Variants in CPZ observed in about 807,000 individuals in gnomAD.
CPZ encodes carboxypeptidase Z.
CPZ carries 103 observed loss-of-function variants against 61.8 expected under a neutral mutation model. The observed-to-expected ratio is 1.67, with a 90% confidence interval of 1.42 to 1.96. CPZ has a LOEUF of 1.96. CPZ is among the 30% of genes most tolerant of loss of function. The pLI is 0.00. For synonymous variants in CPZ, 551 were observed against 373.7 expected, an observed-to-expected ratio of 1.47 and a Z score of -5.47; for missense variants, 1,461 against 914.9, an observed-to-expected ratio of 1.60 and a Z score of -7.70.
At chr4:8,597,834 C>T (rs997143162) in intron 1 of CPZ, among the ~76,000 whole-genome samples, 5 of 152,184 alleles carry the variant, frequency 3.3e-5, no homozygotes, top group African/African-American at 1.2e-4. Context: ...TCACAGTATT[C>T]CTACAAAATG....
At chr4:8,613,893 G>A (rs1715926622) in intron 8 of CPZ, among the ~76,000 whole-genome samples, 2 of 152,254 alleles carry the variant, frequency 1.3e-5, no homozygotes, top group African/African-American at 4.8e-5. Flanking sequence ...TCACCATGGG[G>A]TCTCCAGGCC....
chr4:8,612,423 T>C (rs1364498980), intron 8 of CPZ, among the ~76,000 whole-genome samples: 6 of 152,232 alleles, frequency 3.9e-5, no homozygotes, highest in Non-Finnish European at 7.3e-5. Context: ...TGTCACGGTT[T>C]CACCCATGAC....
At chr4:8,609,146 ACCC>A in intron 7 of CPZ, among the ~76,000 whole-genome samples, 4 of 126,884 alleles carry the variant, frequency 3.2e-5, no homozygotes, top group Non-Finnish European at 5.2e-5. Flanking sequence ...TTACTCATTC[ACCC>A]ACTCCCTCAC....
rs1284995049 is a variant in CPZ at position 8,618,457 on chromosome 4, C to G, written c.1532C>G (p.Thr511Arg). 4 of 1,613,754 alleles carry G rather than the reference C, an allele frequency of 2.5e-6. No individual in the cohort carries two copies. The highest frequency in any genetic ancestry group is 3.4e-6 in the Non-Finnish European group (4 of 1,179,858). The change falls in exon 10 of 11, where the codon ACA becomes AGA. Residue 511 changes from threonine to arginine, a missense_variant. Coordinates refer to ENST00000360986, the MANE Select transcript of CPZ (RefSeq NM_001014447.3). The part of the protein sequence containing the change: ...TVHRGIKGVV[T>R]DKFGKPVKNA... ...CACCGGGGCATCAAAGGTGTGGTGACAGATAAATTCGGCAAGCCAGTCAAA... is the reference window on the plus strand; with the variant it reads ...CACCGGGGCATCAAAGGTGTGGTGAGAGATAAATTCGGCAAGCCAGTCAAA...
chr4:8,618,538 TC>T lies in CPZ; in HGVS notation c.1603+13del. On this transcript the variant is annotated intron_variant, in intron 10 of 10. Coordinates refer to ENST00000360986, the MANE Select transcript of CPZ (RefSeq NM_001014447.3). ...CACGACATCACCACAGGTGAGCACGTCCCTGGCTGTCCCCTGGGGACCACGT... is the reference window on the plus strand; with the variant it reads ...CACGACATCACCACAGGTGAGCACGTCCTGGCTGTCCCCTGGGGACCACGT... The T allele has an allele frequency of 6.2e-7, 1 of 1,611,470 alleles. No individual in the cohort carries two copies. Among genetic ancestry groups the T allele is most frequent in the Middle Eastern group, 1.7e-4 (1 of 6,060 alleles).
At position 8,612,138 on chromosome 4, in the gene CPZ, G is replaced by A; in HGVS notation, c.1339G>A (p.Ala447Thr). 1 of 1,594,996 alleles carries A rather than the reference G, an allele frequency of 6.3e-7. No homozygotes were observed. The highest frequency in any genetic ancestry group is 8.5e-7 in the Non-Finnish European group (1 of 1,171,038). ...FLKRGSIING[A>T]DWYSFTGGMS... ...GAAGAGGGGGAGCATCATCAACGGG[G>A]CGGACTGGTACAGCTTCACGGGAGG... The change falls in exon 8 of 11, where the codon GCG (alanine) becomes ACG (threonine). Residue 447 changes from alanine (A) to threonine (T), a missense_variant. Ala to Thr is a moderately conservative substitution (Grantham distance 58). Coordinates refer to ENST00000360986, the MANE Select transcript of CPZ (RefSeq NM_001014447.3).
At chr4:8,605,875 C>G in intron 4 of CPZ, 114 bp from the exon 5 acceptor site, 1 of 1,038,488 alleles carries the variant, frequency 9.6e-7, no homozygotes, top group Non-Finnish European at 1.4e-6. Flanking sequence ...TGAGTCAAAA[C>G]AAGTATGAAT....
chr4:8,616,740 C>A (rs546825241), intron 9 of CPZ, among the ~76,000 whole-genome samples: 2 of 152,348 alleles, frequency 1.3e-5, no homozygotes, highest in African/African-American at 4.8e-5. Context: ...AGTTTCTCTT[C>A]ATCACCTCTC....
At position 8,605,586 on chromosome 4, in the gene CPZ, G is replaced by T. The variant is rs74411240; in HGVS notation, c.710-403G>T. On this transcript the variant is annotated intron_variant, in intron 4 of 10. Coordinates refer to ENST00000360986, the MANE Select transcript of CPZ (RefSeq NM_001014447.3). ...ATATATCTATCCATCCAGCCATCCAGCCAGCCATTATTCATCCATCCATCC... is the reference window on the plus strand; with the variant it reads ...ATATATCTATCCATCCAGCCATCCATCCAGCCATTATTCATCCATCCATCC... Among the ~76,000 whole-genome samples the T allele has an allele frequency of 4.6e-3, 477 of 102,622 alleles. 4 individuals carry two copies. The highest frequency in any genetic ancestry group is 0.023 in the African/African-American group (386 of 16,778). The allele number at this position is 102,622 out of a possible 152,430, so 67.3% of individuals were successfully genotyped here. A position where few individuals can be genotyped will look rare whatever the true frequency, so the allele number is the denominator to read the frequency against.
rs192903509 is a variant in CPZ, at chr4:8,605,949, G to A, written c.710-40G>A. On this transcript the variant is annotated intron_variant, in intron 4 of 10. Transcript: ENST00000360986. ...GGCCTCATGCCTTTGGGGACCCCCG[G>A]CTTTGAGATGATGCCCCAAGTCTCT... is the stretch of plus-strand genomic sequence containing the variant. The A allele has an allele frequency of 6.8e-4, 1,078 of 1,588,872 alleles. 3 individuals are homozygous for A. Among genetic ancestry groups the A allele is most frequent in the East Asian group, 6.5e-4 (29 of 44,392 alleles).
chr4:8,601,427 C>G lies in CPZ; in HGVS notation c.426C>G (p.Tyr142Ter). ...AFDAIDMAWP[Y>*]FLDCHRYFTR... ...ACGCCATTGACATGGCCTGGCCCTA[C>G]TTCCTTGACTGCCACCGCTACTTCA... The change falls in exon 3 of 11, where the codon TAC (tyrosine) becomes TAG (stop). Residue 142 changes from tyrosine to a stop codon, truncating the protein, a stop_gained. Coordinates refer to ENST00000360986, the MANE Select transcript of CPZ (RefSeq NM_001014447.3). LOFTEE classifies it high-confidence loss of function. 1 of 1,563,710 alleles carries G rather than the reference C, an allele frequency of 6.4e-7. No homozygotes were observed. Among genetic ancestry groups the G allele is most frequent in the African/African-American group, 1.4e-5 (1 of 74,066 alleles).
intron 7 of CPZ, chr4:8,611,063 CTCATTCACTCATTCATTCGCTCAT>C (rs997368449): frequency 2.8e-6 from 1 of 358,006 alleles, no homozygotes; most frequent in African/African-American, 2.1e-5. Flanking sequence ...CGCTCACTCA[CTCATTCACTCATTCATTCGCTCAT>C]TCACTCACTC....
At chr4:8,596,699 G>T (rs1052680850) in intron 1 of CPZ, among the ~76,000 whole-genome samples, 5 of 152,250 alleles carry the variant, frequency 3.3e-5, no homozygotes, top group African/African-American at 9.6e-5. Flanking sequence ...GGCACGGGCA[G>T]TGGTTCATCC....
In CPZ at chr4:8,614,441, G is replaced by A; in HGVS notation, c.1446G>A (p.Glu482=). ...GCTGTGTGAAGTTCCCCCCCGAGGA[G>A]GCCCTGTACATACTCTGGCAGCACA... ...ELGCVKFPPE[E]ALYILWQHNK... Residue 482 remains glutamate, a synonymous_variant, in exon 9 of 11, where the codon GAG becomes GAA. Coordinates refer to ENST00000360986, the MANE Select transcript of CPZ (RefSeq NM_001014447.3). 1 of 1,614,066 alleles carries A rather than the reference G, an allele frequency of 6.2e-7. No individual in the cohort carries two copies. The highest frequency in any genetic ancestry group is 8.5e-7 in the Non-Finnish European group (1 of 1,179,982).
At chr4:8,605,537 CATCT>C (rs1433598324) in intron 4 of CPZ, among the ~76,000 whole-genome samples, 3 of 148,288 alleles carry the variant, frequency 2.0e-5, no homozygotes, top group African/African-American at 7.6e-5. Context: ...TTGATTTATC[CATCT>C]ATCCATTCAT....
intron 9 of CPZ, 99 bp downstream of exon 9, chr4:8,614,597 A>G: frequency 1.6e-6 from 2 of 1,253,296 alleles, no homozygotes; most frequent in South Asian, 1.5e-5. Flanking sequence ...TCACTGCCCC[A>G]TACACACATG....
chr4:8,617,121 GAGC>G (rs1270589835), intron 9 of CPZ, among the ~76,000 whole-genome samples: 163 of 152,360 alleles, frequency 1.1e-3, no homozygotes, highest in Non-Finnish European at 1.4e-3. Context: ...CACAGGGTCT[GAGC>G]TCACGGGCCG....
At chr4:8,606,640 C>T in intron 5 of CPZ, 97 bp from the exon 6 acceptor site, 1 of 1,494,892 alleles carries the variant, frequency 6.7e-7, no homozygotes, top group Non-Finnish European at 9.3e-7. Flanking sequence ...AAACCGCAGC[C>T]CCTGGCCTTG....
intron 9 of CPZ, among the ~76,000 whole-genome samples, chr4:8,616,967 T>C (rs895412943): frequency 3.3e-5 from 5 of 152,170 alleles, no homozygotes; most frequent in African/African-American, 4.8e-5. Context: ...ATGGATTCCA[T>C]GTGCTCTGGG....
Sources: gnomAD v4.1 joint callset for allele counts (sites outside exome capture counted in the v4.1 genomes callset) on GRCh38, gnomAD v4.1.1 for gene constraint, MANE v1.5 for transcripts, NCBI Gene and HGNC (gene_info 2026-07-23, HGNC 2026-07-21) for gene names.